SHISA9: variants seen among roughly 807,000 people sequenced by gnomAD.
SHISA9 encodes the protein shisa family member 9.
A neutral mutation model predicts 38.0 loss-of-function variants in SHISA9; 13 were observed. That is an observed-to-expected ratio of 0.34 (90% CI 0.22 to 0.54). The LOEUF (loss-of-function observed/expected upper bound fraction) is 0.54. Ranked by LOEUF, SHISA9 falls within the 20% of genes least tolerant of loss-of-function variation. SHISA9 has a pLI of 0.91. For synonymous variants in SHISA9, 275 were observed against 242.0 expected (o/e 1.14, Z -1.27); for missense variants, 538 against 575.8 (o/e 0.93, Z 0.67).
intron 4 of SHISA9, among the ~76,000 whole-genome samples, chr16:13,218,692 C>A (rs768167859): frequency 6.6e-6 from 1 of 152,108 alleles, no homozygotes; most frequent in African/African-American, 2.4e-5. Flanking sequence ...AGACAATGTA[C>A]GTAAAATCGC....
At chr16:13,019,836 T>TTTC (rs2072810045) in intron 2 of SHISA9, among the ~76,000 whole-genome samples, 4 of 37,538 alleles carry the variant, frequency 1.1e-4, no homozygotes, top group South Asian at 1.2e-3. Flanking sequence ...TTCTTTCTTT[T>TTTC]TCCTTCCTTC....
chr16:13,422,890 CG>C, the SHISA9 span, among the ~76,000 whole-genome samples: 1 of 152,136 alleles, frequency 6.6e-6, no homozygotes, highest in Non-Finnish European at 1.5e-5. Context: ...TCTTATTGCA[CG>C]TGAGAGCTAA....
At chr16:12,934,923 C>T (rs538619113) in intron 2 of SHISA9, among the ~76,000 whole-genome samples, 7 of 152,288 alleles carry the variant, frequency 4.6e-5, no homozygotes, top group Non-Finnish European at 7.4e-5. Flanking sequence ...ACTGAAGGAA[C>T]GTCTGATGGT....
chr16:13,331,532 A>G, the SHISA9 span: 1 of 152,200 alleles, frequency 6.6e-6, no homozygotes, highest in Non-Finnish European at 1.5e-5. Flanking sequence ...CAAATCTTAC[A>G]AAATGACTTA....
In SHISA9 at chr16:12,961,014, T is replaced by C. The variant is rs189360741; in HGVS notation, c.691+44199T>C. Among the ~76,000 whole-genome samples the C allele has an allele frequency of 2.7e-5, 4 of 148,970 alleles. No homozygotes were observed. In the East Asian group the frequency reaches 8.2e-4, roughly 31 times the overall value. ...CAGTGCAATCATTTGTGTAATTATA[T>C]CTGTAACATGTGGGGGGGATGATGA... On this transcript the variant is annotated intron_variant, in intron 2 of 4. Transcript: ENST00000558583.
At chr16:13,248,426 A>G in the SHISA9 span, among the ~76,000 whole-genome samples, 14 of 152,352 alleles carry the variant, frequency 9.2e-5, no homozygotes, top group Non-Finnish European at 1.9e-4. Flanking sequence ...CAAGCACCAT[A>G]AAGAAATAAA....
At chr16:13,333,409 T>A in the SHISA9 span, among the ~76,000 whole-genome samples, 1 of 152,116 alleles carries the variant, frequency 6.6e-6, no homozygotes, top group African/African-American at 2.4e-5. Flanking sequence ...CGTCCTTGGG[T>A]GTACATTTGA....
At chr16:13,420,572 A>G in the SHISA9 span, among the ~76,000 whole-genome samples, 2 of 152,200 alleles carry the variant, frequency 1.3e-5, no homozygotes, top group African/African-American at 4.8e-5. Flanking sequence ...AAGGAAAGGC[A>G]AGAGTAATGT....
At chr16:12,926,005 C>T (rs1045050359) in intron 2 of SHISA9, among the ~76,000 whole-genome samples, 12 of 152,230 alleles carry the variant, frequency 7.9e-5, no homozygotes, top group Non-Finnish European at 1.2e-4. Flanking sequence ...GGATTACAGG[C>T]GTGAGCCACC....
At chr16:13,475,672 G>A in the SHISA9 span, among the ~76,000 whole-genome samples, 10 of 152,086 alleles carry the variant, frequency 6.6e-5, no homozygotes, top group Admixed American at 1.3e-4. Context: ...CATTTATTGC[G>A]GATTTTATTT....
intron 4 of SHISA9, among the ~76,000 whole-genome samples, chr16:13,228,896 C>T (rs543769664): frequency 2.6e-5 from 4 of 152,260 alleles, no homozygotes; most frequent in African/African-American, 9.6e-5. Flanking sequence ...TGTGGTGGCT[C>T]ACACCTGTAA....
intron 2 of SHISA9, among the ~76,000 whole-genome samples, chr16:12,975,657 G>C (rs1000802630): frequency 1.0e-5 from 1 of 97,674 alleles, no homozygotes. Flanking sequence ...GGACGGGGGC[G>C]GGGGGGGTAA....
chr16:13,376,924 G>T, the SHISA9 span, among the ~76,000 whole-genome samples: 9 of 152,080 alleles, frequency 5.9e-5, no homozygotes, highest in Non-Finnish European at 8.8e-5. Context: ...TGATCCACCC[G>T]CCTTGGCATC....
the SHISA9 span, among the ~76,000 whole-genome samples, chr16:13,396,985 C>T: frequency 6.6e-6 from 1 of 152,164 alleles, no homozygotes. Flanking sequence ...ACCAACTCCT[C>T]CTCCTCCTGC....
chr16:13,197,145 GTA>G (rs377723168), intron 2 of SHISA9, among the ~76,000 whole-genome samples: 31 of 119,764 alleles, frequency 2.6e-4, no homozygotes, highest in Non-Finnish European at 4.5e-4. Context: ...ACATATATGT[GTA>G]TATATATATA....
intron 2 of SHISA9, among the ~76,000 whole-genome samples, chr16:13,060,753 AC>A (rs2141910216): frequency 6.6e-6 from 1 of 152,236 alleles, no homozygotes; most frequent in Non-Finnish European, 1.5e-5. Context: ...TGGTGCCAAC[AC>A]AAAGCCCGCC....
chr16:13,531,156 G>C, the SHISA9 span, among the ~76,000 whole-genome samples: 42 of 152,164 alleles, frequency 2.8e-4, no homozygotes, highest in African/African-American at 9.2e-4. Context: ...CTCTCATTTA[G>C]TCAGCTGGGG....
chr16:13,480,250 C>T, the SHISA9 span, among the ~76,000 whole-genome samples: 3 of 152,062 alleles, frequency 2.0e-5, no homozygotes, highest in Admixed American at 6.5e-5. Flanking sequence ...TCTCTTTTCT[C>T]AAGGGGTTGA....
chr16:13,347,282 C>T, the SHISA9 span, among the ~76,000 whole-genome samples: 1 of 152,148 alleles, frequency 6.6e-6, no homozygotes. Context: ...AACATTATCT[C>T]CATTTTATCA....
Sources: allele counts gnomAD v4.1 joint callset (sites outside exome capture counted in the v4.1 genomes callset), GRCh38; gene constraint gnomAD v4.1.1; transcripts MANE v1.5; gene names NCBI Gene and HGNC (gene_info 2026-07-23, HGNC 2026-07-21).